Variants in RFESD observed in about 807,000 individuals in gnomAD.
RFESD encodes the protein Rieske domain-containing protein.
RFESD carries 16 observed loss-of-function variants against 24.4 expected under a neutral mutation model. The observed-to-expected ratio is 0.66, with a 90% CI of 0.44 to 1.00. The LOEUF is 1.00. Among genes scored for constraint, RFESD ranks in the 50% least tolerant of loss-of-function variants. The pLI, the probability that RFESD is intolerant of heterozygous loss-of-function variation, is 0.00. For synonymous variants in RFESD, 59 were observed against 81.8 expected, an observed-to-expected ratio of 0.72 and a Z score of 1.50; for missense variants, 208 against 247.0, an observed-to-expected ratio of 0.84 and a Z score of 1.06.
intron 1 of RFESD, among the ~76,000 whole-genome samples, chr5:95,649,352 C>T: frequency 6.6e-6 from 1 of 152,172 alleles, no homozygotes; most frequent in East Asian, 1.9e-4. Context: ...TGTAGAGATA[C>T]ATTTTTCACT....
intron 1 of RFESD, among the ~76,000 whole-genome samples, chr5:95,650,093 T>C (rs972951385): frequency 3.3e-5 from 5 of 152,250 alleles, no homozygotes; most frequent in Non-Finnish European, 7.3e-5. Context: ...TCTTGCCTCC[T>C]ATCAGCCATA....
chr5:95,648,631 C>T (rs1750198589), intron 1 of RFESD, among the ~76,000 whole-genome samples: 1 of 152,076 alleles, frequency 6.6e-6, no homozygotes, highest in African/African-American at 2.4e-5. Context: ...CTTTTCTAAG[C>T]AAAATGCACA....
rs1750863704 is a variant in RFESD, at chr5:95,657,930, T to C, written c.*1621T>C. ...TACAGAAGAAATCAAAGTACTTTCT[T>C]CAGGCAAAAACTAGCCCTGGTTTGC... On this transcript the variant is annotated 3_prime_UTR_variant, in exon 6 of 6. Transcript: ENST00000380005. 1 of 123,534 alleles carries C rather than the reference T, an allele frequency of 8.1e-6. No homozygotes were observed. The highest frequency in any genetic ancestry group is 1.7e-5 in the Non-Finnish European group (1 of 58,916). 7.7% of individuals were successfully genotyped at this position (123,534 alleles called of 1,614,324 possible). A position where few individuals can be genotyped will look rare whatever the true frequency, so the allele number is the denominator to read the frequency against.
intron 1 of RFESD, chr5:95,647,259 T>G (rs548874902): frequency 6.6e-6 from 1 of 152,228 alleles, no homozygotes; most frequent in South Asian, 2.1e-4. Context: ...ACCGAAATGT[T>G]AAACACAACT....
intron 5 of RFESD, 106 bp from the exon 6 acceptor site, chr5:95,655,938 GAA>G: frequency 5.9e-6 from 6 of 1,009,300 alleles, no homozygotes; most frequent in Non-Finnish European, 8.8e-6. Flanking sequence ...AGGAAAAAAA[GAA>G]AAGCTAACCT....
Position 95,653,106 on chromosome 5 carries a change from T to C in RFESD, c.61-11T>C. ...CTTTCCTTCAGGCTTTTGTATTTGC[T>C]CTTCTTTCAGTATGGAATTCTCTTC... is the stretch of plus-strand genomic sequence containing the variant. On this transcript the variant is annotated splice_polypyrimidine_tract_variant and intron_variant, in intron 2 of 5. Coordinates refer to ENST00000380005, the MANE Select transcript of RFESD (RefSeq NM_001131066.2). The C allele has an allele frequency of 6.4e-7, 1 of 1,551,182 alleles. No homozygotes were observed. Among genetic ancestry groups the C allele is most frequent in the Non-Finnish European group, 8.7e-7 (1 of 1,146,962 alleles).
At chr5:95,650,566 T>C (rs1377857894) in intron 1 of RFESD, among the ~76,000 whole-genome samples, 2 of 152,218 alleles carry the variant, frequency 1.3e-5, no homozygotes, top group Non-Finnish European at 2.9e-5. Flanking sequence ...TAATTTTTGT[T>C]TTATAAACTT....
intron 1 of RFESD, among the ~76,000 whole-genome samples, chr5:95,650,592 C>G (rs1301757708): frequency 2.6e-5 from 4 of 152,092 alleles, no homozygotes; most frequent in Admixed American, 2.0e-4. Flanking sequence ...TTAAATGAAC[C>G]ATGCTCTTTT....
intron 3 of RFESD, among the ~76,000 whole-genome samples, chr5:95,653,780 C>T (rs904442572): frequency 6.6e-6 from 1 of 152,058 alleles, no homozygotes; most frequent in Non-Finnish European, 1.5e-5. Context: ...CTCCTGTAAT[C>T]GCAGCTACTC....
intron 3 of RFESD, 106 bp from the exon 4 acceptor site, chr5:95,653,955 A>G (rs1220659570): frequency 1.3e-6 from 1 of 782,558 alleles, no homozygotes; most frequent in Non-Finnish European, 2.0e-6. Flanking sequence ...AAGTGCCTCC[A>G]TTAATCTTGA....
chr5:95,649,781 ATTTG>A (rs1195201262), intron 1 of RFESD, among the ~76,000 whole-genome samples: 14 of 151,910 alleles, frequency 9.2e-5, no homozygotes, highest in African/African-American at 3.1e-4. Flanking sequence ...TTCTATGATT[ATTTG>A]TTCTTTTTTT....
chr5:95,648,254 C>G (rs1750183138), intron 1 of RFESD, among the ~76,000 whole-genome samples: 1 of 152,162 alleles, frequency 6.6e-6, no homozygotes, highest in African/African-American at 2.4e-5. Context: ...CCTTTAGAAA[C>G]CAATTTTAGG....
Position 95,656,976 on chromosome 5 carries a change from A to T in RFESD, c.*667A>T, listed in dbSNP as rs1408034900. ...GGTTTACCTGCTGAACTTGAAAATA[A>T]GAAACTTAACCACTGTTAAGTGATC... On this transcript the variant is annotated 3_prime_UTR_variant, in exon 6 of 6. Transcript: ENST00000380005. The T allele has an allele frequency of 6.6e-6, 1 of 152,214 alleles. No individual in the cohort carries two copies. Among genetic ancestry groups the T allele is most frequent in the Non-Finnish European group, 1.5e-5 (1 of 68,028 alleles). The allele number at this position is 152,214 out of a possible 1,614,324, so 9.4% of individuals were successfully genotyped here.
At position 95,656,786 on chromosome 5, in the gene RFESD, T is replaced by C. The variant is rs1489599884; in HGVS notation, c.*477T>C. The C allele has an allele frequency of 1.3e-5, 2 of 152,754 alleles. No homozygotes were observed. Among genetic ancestry groups the C allele is most frequent in the African/African-American group, 2.4e-5 (1 of 41,458 alleles). 9.5% of individuals were successfully genotyped at this position (152,754 alleles called of 1,614,324 possible). A position where few individuals can be genotyped will look rare whatever the true frequency, so the allele number is the denominator to read the frequency against. ...TTAACAGTTATCAGCATTCTTCCAT[T>C]CTTGTTTTATTTATACCTCTGTGGA... On this transcript the variant is annotated 3_prime_UTR_variant, in exon 6 of 6. Coordinates refer to ENST00000380005, the MANE Select transcript of RFESD (RefSeq NM_001131066.2).
intron 5 of RFESD, 108 bp from the exon 6 acceptor site, chr5:95,655,937 AG>A: frequency 1.0e-6 from 1 of 998,438 alleles, no homozygotes; most frequent in East Asian, 2.5e-5. Context: ...GAGGAAAAAA[AG>A]AAAAGCTAAC....
At position 95,656,125 on chromosome 5, in the gene RFESD, A is replaced by G; in HGVS notation, c.449A>G (p.Gln150Arg). 9 of 1,613,812 alleles carry G rather than the reference A, an allele frequency of 5.6e-6. No homozygotes were observed. The highest frequency in any genetic ancestry group is 6.8e-6 in the Non-Finnish European group (8 of 1,179,716). ...ITLATGEGLY[Q>R]SINPKDPSAK... The stretch of plus-strand genomic sequence containing the variant: ...TTGGCAACAGGAGAAGGTCTGTACC[A>G]GTCTATAAACCCTAAAGATCCATCA... Residue 150 changes from glutamine (Q) to arginine (R), a missense_variant, in exon 6 of 6, where the codon CAG (glutamine) becomes CGG (arginine). By Grantham distance (43) the Gln-to-Arg change is conservative. Coordinates refer to ENST00000380005, the MANE Select transcript of RFESD (RefSeq NM_001131066.2).
At position 95,654,115 on chromosome 5, in the gene RFESD, G is replaced by A. The variant is rs566414064; in HGVS notation, c.213G>A (p.Val71=). The A allele has an allele frequency of 1.0e-4, 168 of 1,612,072 alleles. 4 individuals carry two copies. In the South Asian group the frequency reaches 1.8e-3, roughly 17 times the overall value. ...QDPEKREYSS[V]CVGREDDIKK... is the part of the protein sequence containing the mutation. Reference sequence around the variant, plus strand: ...CTGAAAAGAGGGAATATTCTTCTGTGTGTGTGGGCAGAGAAGATGACATTA... The same window carrying A: ...CTGAAAAGAGGGAATATTCTTCTGTATGTGTGGGCAGAGAAGATGACATTA... Residue 71 remains valine (V), a synonymous_variant, in exon 4 of 6, where the codon GTG becomes GTA. Coordinates refer to ENST00000380005, the MANE Select transcript of RFESD (RefSeq NM_001131066.2).
chr5:95,652,263 G>C lies in RFESD; in HGVS notation c.-9G>C. 6.5e-7 allele frequency: 1 copy of C among 1,549,082 alleles called. No homozygotes were observed. Among genetic ancestry groups the C allele is most frequent in the African/African-American group, 1.4e-5 (1 of 73,092 alleles). On this transcript the variant is annotated 5_prime_UTR_variant, in exon 2 of 6. Coordinates refer to ENST00000380005, the MANE Select transcript of RFESD (RefSeq NM_001131066.2). ...CCTCTCTACAACCTCTCTTCCACCT[G>C]ACCTCTAAATGTTGAAGTGTTTCAG...
chr5:95,651,205 A>G (rs1234151096), intron 1 of RFESD, among the ~76,000 whole-genome samples: 2 of 152,204 alleles, frequency 1.3e-5, no homozygotes, highest in Non-Finnish European at 2.9e-5. Context: ...GATCAAGGAA[A>G]GGTACATTAT....
Sources: allele counts gnomAD v4.1 joint callset (sites outside exome capture counted in the v4.1 genomes callset), GRCh38; gene constraint gnomAD v4.1.1; transcripts MANE v1.5; gene names NCBI Gene and HGNC (gene_info 2026-07-23, HGNC 2026-07-21).